Variants in NT5DC3 observed in about 807,000 individuals in gnomAD.
NT5DC3 encodes the protein 5'-nucleotidase domain-containing protein 3.
In NT5DC3, 42 loss-of-function variants were observed where a neutral mutation model predicts 67.8. The ratio of observed to expected loss-of-function variants is 0.62; its 90% CI spans 0.48 to 0.80. The LOEUF (loss-of-function observed/expected upper bound fraction) is 0.80. Among genes scored for constraint, NT5DC3 ranks in the 30% least tolerant of loss-of-function variants. The pLI is 0.00. For missense variants in NT5DC3, 570 were observed against 696.4 expected, an observed-to-expected ratio of 0.82 and a Z score of 2.04; for synonymous variants, 237 against 255.6, an observed-to-expected ratio of 0.93 and a Z score of 0.69.
the NT5DC3 span, chr12:103,755,277 C>T: frequency 6.2e-7 from 1 of 1,610,706 alleles, no homozygotes; most frequent in Non-Finnish European, 8.5e-7. Flanking sequence ...GCAGCTGACC[C>T]ATGGCCCTGT....
rs372294222 is a variant in NT5DC3 at position 103,794,014 on chromosome 12, T to G, written c.754-17A>C. 1 of 1,608,632 alleles carries G rather than the reference T, an allele frequency of 6.2e-7. No homozygotes were observed. The highest frequency in any genetic ancestry group is 8.5e-7 in the Non-Finnish European group (1 of 1,175,102). On this transcript the variant is annotated splice_polypyrimidine_tract_variant and intron_variant, in intron 6 of 13. Coordinates refer to ENST00000392876, the MANE Select transcript of NT5DC3 (RefSeq NM_001031701.3). ...AATTGAATCCTGCCAAAAGATACAT[T>G]TTTAATCAGCGAAAATACAACTGAG...
At chr12:103,831,525 G>GC (rs563976934) in intron 1 of NT5DC3, among the ~76,000 whole-genome samples, 20 of 151,922 alleles carry the variant, frequency 1.3e-4, no homozygotes, top group African/African-American at 1.5e-4. Context: ...TCCAAAACCT[G>GC]CCCCCCCACA....
intron 1 of NT5DC3, among the ~76,000 whole-genome samples, chr12:103,836,324 A>G (rs1888145953): frequency 6.6e-6 from 1 of 152,218 alleles, no homozygotes; most frequent in Admixed American, 6.5e-5. Flanking sequence ...CCTTCCGCCT[A>G]TGAGCCTGTA....
Position 103,793,482 on chromosome 12 carries a change from C to A in NT5DC3, c.845G>T (p.Arg282Leu). 1 of 1,614,006 alleles carries A rather than the reference C, an allele frequency of 6.2e-7. No individual in the cohort carries two copies. The highest frequency in any genetic ancestry group is 8.5e-7 in the Non-Finnish European group (1 of 1,179,924). ...EKYICYAEQTRAVLAKLADHG... is the reference protein window; with the variant it reads ...EKYICYAEQTLAVLAKLADHG... The stretch of plus-strand genomic sequence containing the variant: ...ATCAGCCAGTTTGGCCAACACTGCG[C>A]GGGTCTGCTCAGCATAGCAGATGTA... The change falls in exon 8 of 14, where the codon CGC (arginine) becomes CTC (leucine). Residue 282 changes from arginine to leucine, a missense_variant. By Grantham distance (102) the Arg-to-Leu change is moderately radical (BLOSUM62 -2). Transcript: ENST00000392876.
chr12:103,800,359 G>A (rs1345461830), intron 4 of NT5DC3, among the ~76,000 whole-genome samples: 1 of 152,222 alleles, frequency 6.6e-6, no homozygotes, highest in Non-Finnish European at 1.5e-5. Flanking sequence ...CTGGCACTAA[G>A]CCAGATCATT....
intron 1 of NT5DC3, among the ~76,000 whole-genome samples, chr12:103,824,677 CAG>C (rs1300073148): frequency 6.6e-6 from 1 of 152,022 alleles, no homozygotes; most frequent in South Asian, 2.1e-4. Flanking sequence ...ACATATGCTG[CAG>C]AGACATCTGT....
the NT5DC3 span, chr12:103,750,601 A>G: frequency 5.6e-6 from 9 of 1,614,154 alleles, no homozygotes; most frequent in Admixed American, 3.3e-5. Flanking sequence ...TGTGAGTGTA[A>G]AAGTCACTAT....
chr12:103,790,187 C>T, intron 9 of NT5DC3, among the ~76,000 whole-genome samples: 1 of 152,170 alleles, frequency 6.6e-6, no homozygotes, highest in Non-Finnish European at 1.5e-5. Context: ...TCACTACAGT[C>T]TTGACCTCCT....
At chr12:103,756,645 T>C in the NT5DC3 span, among the ~76,000 whole-genome samples, 7 of 152,122 alleles carry the variant, frequency 4.6e-5, no homozygotes, top group African/African-American at 1.7e-4. Context: ...CCCTCATGCT[T>C]TCGAGTACGG....
the NT5DC3 span, chr12:103,755,202 T>C: frequency 1.7e-5 from 26 of 1,506,768 alleles, no homozygotes; most frequent in African/African-American, 2.7e-5. Context: ...AGTGAGACTT[T>C]ATGGGTTTTA....
the NT5DC3 span, among the ~76,000 whole-genome samples, chr12:103,749,735 G>T: frequency 1.3e-5 from 2 of 150,748 alleles, no homozygotes; most frequent in East Asian, 3.9e-4. Flanking sequence ...AGCTACTCGG[G>T]AGGCTGAGGC....
At chr12:103,759,005 C>T in the NT5DC3 span, 14 of 1,497,270 alleles carry the variant, frequency 9.4e-6, no homozygotes, top group South Asian at 1.2e-5. Flanking sequence ...TTGACATTTC[C>T]TGATCTCCAC....
intron 6 of NT5DC3, 136 bp from the exon 7 acceptor site, chr12:103,794,133 C>A (rs2139344634): frequency 8.7e-6 from 5 of 576,374 alleles, no homozygotes; most frequent in East Asian, 4.0e-5. Context: ...AATCTAAATT[C>A]TGGTCCATTT....
At chr12:103,804,365 CCCA>C (rs1886710276) in intron 4 of NT5DC3, among the ~76,000 whole-genome samples, 1 of 152,062 alleles carries the variant, frequency 6.6e-6, no homozygotes, top group South Asian at 2.1e-4. Flanking sequence ...GAACTGATTC[CCCA>C]CCACAAGCTG....
the NT5DC3 span, among the ~76,000 whole-genome samples, chr12:103,764,746 G>A: frequency 1.3e-5 from 2 of 152,218 alleles, no homozygotes; most frequent in African/African-American, 4.8e-5. Flanking sequence ...AAAATAACCA[G>A]ATTGCAAATC....
chr12:103,833,301 A>G (rs941759381), intron 1 of NT5DC3, among the ~76,000 whole-genome samples: 1 of 152,224 alleles, frequency 6.6e-6, no homozygotes, highest in Admixed American at 6.5e-5. Context: ...TATTTTCTAC[A>G]TCTCTTTAAC....
Position 103,798,588 on chromosome 12 carries a change from T to C in NT5DC3, c.614A>G (p.Lys205Arg), listed in dbSNP as rs761440502. Residue 205 changes from lysine to arginine, a missense_variant and splice_region_variant, in exon 5 of 14, where the codon AAG becomes AGG. Lys to Arg is a conservative substitution (Grantham distance 26, BLOSUM62 2). This residue lies in a region of NT5DC3 where 466 missense variants were observed against 608.0 expected (regional missense o/e 0.77). Coordinates refer to ENST00000392876, the MANE Select transcript of NT5DC3 (RefSeq NM_001031701.3). Reference protein sequence around the residue: ...PLEQMSDFYGKSSHGNTMKQF... With the variant: ...PLEQMSDFYGRSSHGNTMKQF... ...AATGAATAAAGTGCTTCTCATTACC[T>C]TTCCGTAAAAGTCACTCATCTGCTC... is the stretch of plus-strand genomic sequence containing the variant. The C allele has an allele frequency of 6.2e-7, 1 of 1,609,192 alleles. No individual in the cohort carries two copies. Among genetic ancestry groups the C allele is most frequent in the South Asian group, 1.1e-5 (1 of 90,960 alleles).
chr12:103,799,764 G>C (rs1056654331), intron 4 of NT5DC3, among the ~76,000 whole-genome samples: 3 of 146,558 alleles, frequency 2.0e-5, no homozygotes, highest in Non-Finnish European at 4.5e-5. Context: ...CCATCTGCCT[G>C]CCTCTGGAAT....
the NT5DC3 span, among the ~76,000 whole-genome samples, chr12:103,756,989 G>C: frequency 2.9e-5 from 1 of 34,616 alleles, no homozygotes; most frequent in East Asian, 1.2e-3. Context: ...AGCCCAGAAG[G>C]AGGGAAAATA....
Sources: gnomAD v4.1 joint callset for allele counts (sites outside exome capture counted in the v4.1 genomes callset) on GRCh38, gnomAD v4.1.1 for gene constraint, gnomAD v4.1.1 regional missense constraint, MANE v1.5 for transcripts, NCBI Gene and HGNC (gene_info 2026-07-23, HGNC 2026-07-21) for gene names.